The following LRRC56 variants were observed in gnomAD, a reference collection of about 807,000 sequenced individuals.
LRRC56 encodes the protein leucine rich repeat containing 56, also known as leucine-rich repeat-containing protein 56.
A neutral mutation model predicts 47.8 loss-of-function variants in LRRC56; 41 were observed. That is an observed-to-expected ratio of 0.86 (90% CI 0.67 to 1.11). The LOEUF is 1.11. Ranked by LOEUF, LRRC56 falls within the 50% of genes most tolerant of loss-of-function variation. The probability of loss-of-function intolerance (pLI) is 0.00; values close to 1 mark genes in which losing one functional copy is unlikely to be tolerated. For synonymous variants in LRRC56, 387 were observed against 311.2 expected (o/e 1.24, Z -2.56); for missense variants, 759 against 704.2 (o/e 1.08, Z -0.88).
the LRRC56 span, among the ~76,000 whole-genome samples, chr11:522,538 T>C: frequency 6.6e-6 from 1 of 152,140 alleles, no homozygotes; most frequent in African/African-American, 2.4e-5. Flanking sequence ...AGTGCTGGGA[T>C]TACAGGCGTG....
rs868483076 is a variant in LRRC56, at chr11:551,689, G to A, written c.835G>A (p.Glu279Lys). 8.7e-6 allele frequency: 14 copies of A among 1,606,262 alleles called. No homozygotes were observed. The highest frequency in any genetic ancestry group is 1.7e-5 in the Admixed American group (1 of 59,048). ...RGAPIRRLDP[E>K]LSLPETQSRA... The stretch of plus-strand genomic sequence containing the variant: ...AGCCCCCATCCGGAGACTTGACCCC[G>A]AGCTGTCCCTGCCTGAGACGCAGTC... Residue 279 changes from glutamate (E) to lysine (K), a missense_variant, in exon 10 of 14, where the codon GAG (glutamate) becomes AAG (lysine). Coordinates refer to ENST00000270115, the MANE Select transcript of LRRC56 (RefSeq NM_198075.4).
chr11:517,868 C>A, the LRRC56 span, among the ~76,000 whole-genome samples: 6 of 152,196 alleles, frequency 3.9e-5, no homozygotes, highest in African/African-American at 1.4e-4. Context: ...TATAACCTTA[C>A]CCCCAACCCC....
At chr11:509,238 A>G in the LRRC56 span, among the ~76,000 whole-genome samples, 2 of 152,184 alleles carry the variant, frequency 1.3e-5, no homozygotes, top group Non-Finnish European at 2.9e-5. Flanking sequence ...TTTAGAATTC[A>G]TGACAAGAAG....
At chr11:542,481 G>A (rs1476460671) in intron 5 of LRRC56, among the ~76,000 whole-genome samples, 2 of 148,196 alleles carry the variant, frequency 1.3e-5, no homozygotes, top group Non-Finnish European at 3.0e-5. Context: ...GATGGCACCT[G>A]TAGTCACAGC....
chr11:552,285 C>T (rs1564808091), intron 12 of LRRC56, 53 bp downstream of exon 12: 4 of 1,566,770 alleles, frequency 2.6e-6, no homozygotes, highest in Admixed American at 1.8e-5. Flanking sequence ...GTGGGGAAAT[C>T]AGGGCTGGGG....
the LRRC56 span, among the ~76,000 whole-genome samples, chr11:519,073 C>T: frequency 6.6e-6 from 1 of 152,262 alleles, no homozygotes; most frequent in East Asian, 1.9e-4. Context: ...CAAACCGGTC[C>T]TTCCGCCAAA....
At chr11:546,193 G>A (rs1218973835) in intron 6 of LRRC56, among the ~76,000 whole-genome samples, 1 of 151,688 alleles carries the variant, frequency 6.6e-6, no homozygotes, top group African/African-American at 2.4e-5. Flanking sequence ...TCGCTGCAGT[G>A]AGCCGGGAGG....
At chr11:520,477 C>A in the LRRC56 span, among the ~76,000 whole-genome samples, 1 of 151,986 alleles carries the variant, frequency 6.6e-6, no homozygotes, top group Non-Finnish European at 1.5e-5. Context: ...CCACCACGTC[C>A]GGCTCATTTT....
chr11:516,665 G>C, the LRRC56 span, among the ~76,000 whole-genome samples: 1 of 152,170 alleles, frequency 6.6e-6, no homozygotes. Context: ...ACGGCCGGAC[G>C]TGGTGGCTCA....
chr11:552,311 C>T, intron 12 of LRRC56, 79 bp downstream of exon 12: 2 of 1,528,446 alleles, frequency 1.3e-6, no homozygotes, highest in South Asian at 1.2e-5. Context: ...TTGGCTGAGT[C>T]ATCCCCAGTC....
At chr11:518,584 A>G in the LRRC56 span, among the ~76,000 whole-genome samples, 6 of 151,984 alleles carry the variant, frequency 3.9e-5, no homozygotes, top group African/African-American at 1.4e-4. Context: ...CCGCCTCCCA[A>G]AGTGCTGGGA....
chr11:514,869 C>T, the LRRC56 span, among the ~76,000 whole-genome samples: 1 of 152,066 alleles, frequency 6.6e-6, no homozygotes, highest in Non-Finnish European at 1.5e-5. Context: ...TGCTAACTTC[C>T]AGCACTACCG....
At chr11:509,452 G>A in the LRRC56 span, among the ~76,000 whole-genome samples, 2 of 152,180 alleles carry the variant, frequency 1.3e-5, no homozygotes, top group African/African-American at 4.8e-5. Context: ...AGGTGCCCAG[G>A]TATGTATAGG....
the LRRC56 span, chr11:528,458 A>G: frequency 1.3e-5 from 2 of 152,058 alleles, no homozygotes; most frequent in Non-Finnish European, 2.9e-5. Flanking sequence ...GCTTGTCCGC[A>G]GGGCCTCCAG....
At chr11:533,279 C>T (rs371117417), upstream of LRRC56, 390 of 1,586,566 alleles carry the variant, frequency 2.5e-4, no homozygotes, top group Non-Finnish European at 2.4e-4. Context: ...AGACTTACAG[C>T]GCGAGGGGCC....
chr11:552,842 A>AG, intron 13 of LRRC56, 140 bp downstream of exon 13: 2 of 762,328 alleles, frequency 2.6e-6, no homozygotes, highest in Non-Finnish European at 4.1e-6. Context: ...TGTAACAGGG[A>AG]GGCCCCCTTC....
the LRRC56 span, among the ~76,000 whole-genome samples, chr11:518,942 G>C: frequency 6.8e-6 from 1 of 146,918 alleles, no homozygotes; most frequent in African/African-American, 2.5e-5. Context: ...TGGAAACCCC[G>C]CCCCCAAACC....
At chr11:515,113 C>A in the LRRC56 span, among the ~76,000 whole-genome samples, 12,982 of 152,140 alleles carry the variant, frequency 0.085, 559 homozygotes, top group Middle Eastern at 0.15. Flanking sequence ...GGGTCATGTC[C>A]CAAGAAGACC....
At chr11:526,390 G>C in the LRRC56 span, among the ~76,000 whole-genome samples, 2 of 152,028 alleles carry the variant, frequency 1.3e-5, no homozygotes, top group Non-Finnish European at 2.9e-5. Flanking sequence ...CGGGCGACAG[G>C]ACTCCGATGC....
Sources: allele counts gnomAD v4.1 joint callset (sites outside exome capture counted in the v4.1 genomes callset), GRCh38; gene constraint gnomAD v4.1.1; transcripts MANE v1.5; gene names NCBI Gene and HGNC (gene_info 2026-07-23, HGNC 2026-07-21).